PLCB1: variants seen among roughly 807,000 people sequenced by gnomAD.
PLCB1 encodes 1-phosphatidylinositol 4,5-bisphosphate phosphodiesterase beta-1.
In PLCB1, 46 loss-of-function variants were observed where a neutral mutation model predicts 161.8. That is an observed-to-expected ratio of 0.28 (90% confidence interval 0.22 to 0.36). The LOEUF is 0.36. PLCB1 is among the 10% of genes least tolerant of loss of function. The pLI, the probability that PLCB1 is intolerant of heterozygous loss-of-function variation, is 1.00. For missense variants in PLCB1, 1,016 were observed against 1,472.5 expected (o/e 0.69, Z 5.07); for synonymous variants, 517 against 503.7 (o/e 1.03, Z -0.35).
Position 8,833,779 on chromosome 20 carries a change from A to G in PLCB1, c.3423+43518A>G, listed in dbSNP as rs181642759. On this transcript the variant is annotated intron_variant, in intron 31 of 31. Transcript: ENST00000338037. ...TTTGGTAAGTCAATATAGCCGCTGT[A>G]AAAAACTAATACGCTAACAACGAAT... Among the ~76,000 whole-genome samples the G allele has an allele frequency of 1.8e-4, 27 of 152,352 alleles. No individual in the cohort carries two copies. In the East Asian group the frequency reaches 4.4e-3, roughly 25 times the overall value.
chr20:8,551,614 C>T (rs964637196), intron 3 of PLCB1, among the ~76,000 whole-genome samples: 9 of 152,216 alleles, frequency 5.9e-5, no homozygotes, highest in East Asian at 3.9e-4. Context: ...AGAGGCAGCC[C>T]TCAAACCATG....
chr20:8,418,629 AGAT>A (rs1418899024), intron 3 of PLCB1, among the ~76,000 whole-genome samples: 1 of 151,994 alleles, frequency 6.6e-6, no homozygotes, highest in African/African-American at 2.4e-5. Context: ...ATTTTTTCAG[AGAT>A]GATCATTTGG....
Position 8,560,532 on chromosome 20 carries a change from C to A in PLCB1, c.247-67762C>A, listed in dbSNP as rs534994236. On this transcript the variant is annotated intron_variant, in intron 3 of 31. Transcript: ENST00000338037. ...AGAATCTCTGAGAATTGAGCCCCAG[C>A]ACTAGTATTGTTGAAAAACGTCTAG... 3.9e-5 allele frequency among the ~76,000 whole-genome samples: 6 copies of A among 152,140 alleles called. No individual in the cohort carries two copies. The East Asian group carries it at 7.7e-4, about 20-fold the overall frequency.
intron 2 of PLCB1, among the ~76,000 whole-genome samples, chr20:8,275,250 AGTGTGTGTGT>A (rs3031931): frequency 7.6e-5 from 11 of 145,458 alleles, no homozygotes; most frequent in Non-Finnish European, 1.2e-4. Flanking sequence ...CATCAGCGTG[AGTGTGTGTGT>A]GTGTGTGTGT....
At chr20:8,578,263 G>T (rs759672751) in intron 3 of PLCB1, among the ~76,000 whole-genome samples, 1 of 152,158 alleles carries the variant, frequency 6.6e-6, no homozygotes, top group Non-Finnish European at 1.5e-5. Context: ...ATGGGCATGA[G>T]ATAACCACTT....
chr20:8,201,160 T>G (rs2052087715), intron 2 of PLCB1, among the ~76,000 whole-genome samples: 1 of 152,116 alleles, frequency 6.6e-6, no homozygotes, highest in Admixed American at 6.6e-5. Context: ...TATTTGGGTT[T>G]CTTTAGTTAG....
intron 2 of PLCB1, among the ~76,000 whole-genome samples, chr20:8,211,528 T>C (rs763372702): frequency 1.2e-4 from 19 of 152,140 alleles, no homozygotes; most frequent in Non-Finnish European, 2.2e-4. Context: ...ACTTTTAGGT[T>C]CTCTACATAT....
chr20:8,674,707 T>A (rs951580626), intron 9 of PLCB1, among the ~76,000 whole-genome samples: 3 of 152,164 alleles, frequency 2.0e-5, no homozygotes, highest in African/African-American at 7.2e-5. Context: ...ATCAGGCTTG[T>A]CTGCGGTTTC....
At chr20:8,637,140 CA>C (rs1457259034) in intron 4 of PLCB1, among the ~76,000 whole-genome samples, 1 of 152,018 alleles carries the variant, frequency 6.6e-6, no homozygotes, top group Non-Finnish European at 1.5e-5. Context: ...TTGGTGTTGG[CA>C]GGGGAATACT....
At chr20:8,278,343 AT>A (rs1203583242) in intron 2 of PLCB1, among the ~76,000 whole-genome samples, 1 of 93,954 alleles carries the variant, frequency 1.1e-5, no homozygotes, top group Non-Finnish European at 2.1e-5. Context: ...TATATTATAT[AT>A]TTATATTATG....
At chr20:8,515,648 G>A (rs968633040) in intron 3 of PLCB1, among the ~76,000 whole-genome samples, 1 of 152,158 alleles carries the variant, frequency 6.6e-6, no homozygotes, top group African/African-American at 2.4e-5. Flanking sequence ...TTTATTGTCT[G>A]GTTGTGCATG....
intron 2 of PLCB1, among the ~76,000 whole-genome samples, chr20:8,266,568 C>T (rs769199913): frequency 6.8e-4 from 104 of 152,186 alleles, no homozygotes; most frequent in South Asian, 1.2e-3. Context: ...ATAGGGCAAA[C>T]GATGTGGCTA....
chr20:8,549,128 A>G (rs1409906039), intron 3 of PLCB1, among the ~76,000 whole-genome samples: 1 of 152,200 alleles, frequency 6.6e-6, no homozygotes, highest in Non-Finnish European at 1.5e-5. Flanking sequence ...ACAAGCCTGC[A>G]TGTTCTGCAC....
intron 31 of PLCB1, among the ~76,000 whole-genome samples, chr20:8,872,659 G>T (rs1408336854): frequency 6.6e-6 from 1 of 152,104 alleles, no homozygotes; most frequent in Non-Finnish European, 1.5e-5. Context: ...ATTCACAGGG[G>T]TAATATGAAT....
intron 2 of PLCB1, among the ~76,000 whole-genome samples, chr20:8,310,308 T>C (rs1984339482): frequency 2.0e-5 from 3 of 152,330 alleles, no homozygotes; most frequent in Middle Eastern, 3.4e-3. Flanking sequence ...AGTTGTAAAT[T>C]TCACCAATGA....
Position 8,368,528 on chromosome 20 carries a change from CAAAAAAAAA to C in PLCB1, c.178-2840_178-2832del, listed in dbSNP as rs1216338206. On this transcript the variant is annotated intron_variant, in intron 2 of 31. Transcript: ENST00000338037. ...GGTGATGGAGTGAGACTCTGTCTCTCAAAAAAAAAAAAAAAAAAAAAAGAAAAAGAAAAA... is the reference window on the plus strand; with the variant it reads ...GGTGATGGAGTGAGACTCTGTCTCTCAAAAAAAAAAAAAGAAAAAGAAAAA... Among the ~76,000 whole-genome samples, 13 of 63,818 alleles carry C rather than the reference CAAAAAAAAA, an allele frequency of 2.0e-4. No individual in the cohort carries two copies. In the South Asian group the frequency reaches 2.3e-3, roughly 11 times the overall value. 41.9% of individuals were successfully genotyped at this position (63,818 alleles called of 152,430 possible).
chr20:8,669,051 G>A (rs1164714078), intron 9 of PLCB1, among the ~76,000 whole-genome samples: 1 of 152,172 alleles, frequency 6.6e-6, no homozygotes, highest in Non-Finnish European at 1.5e-5. Context: ...ATCCAGATAA[G>A]ATATTTGCTC....
chr20:8,811,394 G>T (rs1258857381), intron 31 of PLCB1, among the ~76,000 whole-genome samples: 1 of 152,176 alleles, frequency 6.6e-6, no homozygotes, highest in Non-Finnish European at 1.5e-5. Flanking sequence ...CTAATTCATG[G>T]TTCGGTCTAG....
intron 3 of PLCB1, among the ~76,000 whole-genome samples, chr20:8,587,179 AAT>A (rs1200947565): frequency 8.3e-5 from 12 of 144,322 alleles, no homozygotes; most frequent in Admixed American, 1.4e-4. Flanking sequence ...TCAATTAAAA[AAT>A]ATATATATAT....
Sources: gnomAD v4.1 joint callset for allele counts (sites outside exome capture counted in the v4.1 genomes callset) on GRCh38, gnomAD v4.1.1 for gene constraint, MANE v1.5 for transcripts, NCBI Gene and HGNC (gene_info 2026-07-23, HGNC 2026-07-21) for gene names.